The following C1orf185 variants were observed in gnomAD, a reference collection of about 807,000 sequenced individuals.
The protein encoded by C1orf185 is chromosome 1 open reading frame 185.
Under a neutral mutation model 16.1 loss-of-function variants are expected in C1orf185, and 13 were observed. The observed-to-expected ratio is 0.81, with a 90% confidence interval of 0.53 to 1.28. C1orf185 has a LOEUF of 1.28. Among genes scored for constraint, C1orf185 ranks in the 50% most tolerant of loss-of-function variants. The pLI is 0.00. For synonymous variants in C1orf185, 80 were observed against 76.9 expected, an observed-to-expected ratio of 1.04 and a Z score of -0.21; for missense variants, 220 against 225.2, an observed-to-expected ratio of 0.98 and a Z score of 0.15.
intron 3 of C1orf185, among the ~76,000 whole-genome samples, chr1:51,139,536 GT>G (rs1344514557): frequency 6.6e-6 from 1 of 152,138 alleles, no homozygotes; most frequent in Non-Finnish European, 1.5e-5. Flanking sequence ...AAAACTATTT[GT>G]TTTTTGAATG....
At chr1:51,145,914 T>C (rs1286551037) in intron 4 of C1orf185, among the ~76,000 whole-genome samples, 154 bp downstream of exon 4, 1 of 152,138 alleles carries the variant, frequency 6.6e-6, no homozygotes, top group Middle Eastern at 3.2e-3. Context: ...TAAAAGGGCA[T>C]AAATTTTTTA....
chr1:51,109,454 T>TTCATAA (rs1646099412), intron 1 of C1orf185, among the ~76,000 whole-genome samples: 2 of 152,226 alleles, frequency 1.3e-5, no homozygotes, highest in Admixed American at 1.3e-4. Context: ...TTGTTACTTG[T>TTCATAA]GCTTTTGAGG....
rs1646359750 is a variant in C1orf185 at position 51,140,884 on chromosome 1, T to C, written c.259-4840T>C. Reference sequence around the variant, plus strand: ...CCTTTTTCACCCTAATTGTTCTGGCTAGAGTTTTATCAATTTTATTAATAT... The same window carrying C: ...CCTTTTTCACCCTAATTGTTCTGGCCAGAGTTTTATCAATTTTATTAATAT... On this transcript the variant is annotated intron_variant, in intron 3 of 4. Transcript: ENST00000371759. Among the ~76,000 whole-genome samples the C allele has an allele frequency of 2.0e-5, 3 of 152,226 alleles. No individual in the cohort carries two copies. The South Asian group carries it at 6.2e-4, about 31-fold the overall frequency.
At chr1:51,150,511 C>T (rs12084577), downstream of C1orf185, among the ~76,000 whole-genome samples, 21,110 of 152,044 alleles carry the variant, frequency 0.14, 2,839 homozygotes, top group African/African-American at 0.35. Flanking sequence ...AATGTATTTC[C>T]TAAAAACTTA....
Position 51,147,587 on chromosome 1 carries a change from C to CA in C1orf185, c.417dup (p.Ser140IlefsTer2). 1 of 1,551,538 alleles carries CA rather than the reference C, an allele frequency of 6.4e-7. No homozygotes were observed. The highest frequency in any genetic ancestry group is 1.2e-5 in the South Asian group (1 of 84,056). ...GTTACATTAAGCTTATCAACATTAC[C>CA]ATCTGATTCTTATTACAGCCAAAGT... On this transcript the variant is annotated frameshift_variant, in exon 5 of 5. Transcript: ENST00000371759. LOFTEE classifies it high-confidence loss of function.
intron 3 of C1orf185, among the ~76,000 whole-genome samples, chr1:51,127,949 G>A (rs61782426): frequency 0.069 from 9,926 of 144,614 alleles, 378 homozygotes; most frequent in Middle Eastern, 0.094. Flanking sequence ...ATGCAATTGC[G>A]TGATCTCAGC....
At chr1:51,112,771 T>C (rs1430835211) in intron 2 of C1orf185, among the ~76,000 whole-genome samples, 5 of 152,074 alleles carry the variant, frequency 3.3e-5, no homozygotes. Flanking sequence ...GATAGGAATG[T>C]TCATGCATTA....
chr1:51,110,188 A>G (rs1646105867), intron 1 of C1orf185, among the ~76,000 whole-genome samples: 1 of 152,232 alleles, frequency 6.6e-6, no homozygotes, highest in Admixed American at 6.5e-5. Flanking sequence ...TGTAAAGTGC[A>G]GAAATCATAG....
chr1:51,124,379 G>A (rs1008942978), intron 3 of C1orf185, among the ~76,000 whole-genome samples: 1 of 152,236 alleles, frequency 6.6e-6, no homozygotes, highest in Non-Finnish European at 1.5e-5. Flanking sequence ...ACTGTACCTG[G>A]CCTCTTTGCA....
chr1:51,124,081 G>GTTT (rs893846873), intron 3 of C1orf185, among the ~76,000 whole-genome samples: 34 of 113,570 alleles, frequency 3.0e-4, no homozygotes, highest in Non-Finnish European at 3.7e-4. Flanking sequence ...ACTGTAGTTT[G>GTTT]TTTTTTTTTT....
intron 3 of C1orf185, among the ~76,000 whole-genome samples, chr1:51,145,325 T>A (rs1389918084): frequency 6.6e-6 from 1 of 151,784 alleles, no homozygotes; most frequent in African/African-American, 2.4e-5. Flanking sequence ...ATAATAATAA[T>A]AATAATAATC....
chr1:51,125,554 C>T (rs1646234155), intron 3 of C1orf185, among the ~76,000 whole-genome samples: 1 of 152,146 alleles, frequency 6.6e-6, no homozygotes, highest in Non-Finnish European at 1.5e-5. Flanking sequence ...AGTCACCATG[C>T]CCAGCTGTAA....
chr1:51,121,478 C>T (rs1300907229), intron 3 of C1orf185, among the ~76,000 whole-genome samples: 3 of 152,000 alleles, frequency 2.0e-5, no homozygotes, highest in Non-Finnish European at 4.4e-5. Flanking sequence ...TATTCAGGAT[C>T]CTTGATATTC....
intron 3 of C1orf185, among the ~76,000 whole-genome samples, chr1:51,141,038 C>G (rs1478677282): frequency 3.3e-5 from 5 of 152,160 alleles, no homozygotes; most frequent in African/African-American, 1.2e-4. Flanking sequence ...TCAAAGGAAT[C>G]AGTGATCAGA....
At chr1:51,118,645 T>C in intron 2 of C1orf185, 21 bp from the exon 3 acceptor site, 1 of 1,289,902 alleles carries the variant, frequency 7.8e-7, no homozygotes, top group African/African-American at 1.5e-5. Context: ...TTAATAATAT[T>C]CTTTATAAAA....
intron 3 of C1orf185, among the ~76,000 whole-genome samples, chr1:51,120,756 T>C (rs1287832711): frequency 6.6e-6 from 1 of 152,200 alleles, no homozygotes; most frequent in Non-Finnish European, 1.5e-5. Flanking sequence ...TAATAGACAA[T>C]TACAAAAGTG....
chr1:51,126,983 A>AT (rs149976541), intron 3 of C1orf185, among the ~76,000 whole-genome samples: 5,200 of 147,178 alleles, frequency 0.035, 135 homozygotes, highest in Non-Finnish European at 0.052. Flanking sequence ...GGGTTTGTTT[A>AT]TTTTTTTTTT....
At chr1:51,124,492 G>T (rs1358966258) in intron 3 of C1orf185, among the ~76,000 whole-genome samples, 1 of 152,210 alleles carries the variant, frequency 6.6e-6, no homozygotes, top group Non-Finnish European at 1.5e-5. Context: ...GGTGGTGTTG[G>T]ACAGCAATCT....
chr1:51,134,951 C>CTAT (rs1251420299), intron 3 of C1orf185, among the ~76,000 whole-genome samples: 2 of 151,820 alleles, frequency 1.3e-5, no homozygotes, highest in African/African-American at 4.8e-5. Flanking sequence ...CCTGCTGAAA[C>CTAT]TATTCAAAAA....
Sources: gnomAD v4.1 joint callset for allele counts (sites outside exome capture counted in the v4.1 genomes callset) on GRCh38, gnomAD v4.1.1 for gene constraint, MANE v1.5 for transcripts, NCBI Gene and HGNC (gene_info 2026-07-23, HGNC 2026-07-21) for gene names.